Variants in ARHGAP44 observed in about 807,000 individuals in gnomAD.
The protein encoded by ARHGAP44 is Rho GTPase activating protein 44.
ARHGAP44 carries 43 observed loss-of-function variants against 106.8 expected under a neutral mutation model. That is an observed-to-expected ratio of 0.40 (90% CI 0.32 to 0.52). ARHGAP44 has a LOEUF of 0.52. ARHGAP44 is among the 20% of genes least tolerant of loss of function. The pLI is 0.48. For missense variants in ARHGAP44, 866 were observed against 1,050.5 expected, an observed-to-expected ratio of 0.82 and a Z score of 2.43; for synonymous variants, 439 against 410.3, an observed-to-expected ratio of 1.07 and a Z score of -0.85.
At chr17:12,965,580 A>C (rs2039371359) in intron 16 of ARHGAP44, among the ~76,000 whole-genome samples, 1 of 152,190 alleles carries the variant, frequency 6.6e-6, no homozygotes, top group Admixed American at 6.5e-5. Context: ...TGGTTATATT[A>C]TGAATGGGGA....
In ARHGAP44 at chr17:12,789,640, C is replaced by CAGGAGGCGGCGCGGCGGGAGG; in HGVS notation, c.-196_-176dup. 1 of 353,516 alleles carries CAGGAGGCGGCGCGGCGGGAGG rather than the reference C, an allele frequency of 2.8e-6. No homozygotes were observed. The highest frequency in any genetic ancestry group is 4.5e-5 in the East Asian group (1 of 22,250). The allele number at this position is 353,516 out of a possible 1,614,324, so 21.9% of individuals were successfully genotyped here. ...CGCGGCGCGCGTGAGGGGGATGCGG[C>CAGGAGGCGGCGCGGCGGGAGG]AGGAGGCGGCGCGGCGGGAGGAGTA... On this transcript the variant is annotated 5_prime_UTR_variant, in exon 1 of 21. Transcript: ENST00000379672.
At chr17:12,828,751 C>T (rs931923284) in intron 1 of ARHGAP44, among the ~76,000 whole-genome samples, 1 of 150,180 alleles carries the variant, frequency 6.7e-6, no homozygotes, top group African/African-American at 2.5e-5. Context: ...ATGCCATTCT[C>T]CTGCCTCAGC....
At chr17:12,921,147 A>G (rs570752017) in intron 6 of ARHGAP44, among the ~76,000 whole-genome samples, 1 of 150,018 alleles carries the variant, frequency 6.7e-6, no homozygotes, top group South Asian at 2.1e-4. Flanking sequence ...GCTCACTGCA[A>G]CCTCCGCCTC....
At chr17:12,904,701 T>A (rs757814558) in intron 3 of ARHGAP44, among the ~76,000 whole-genome samples, 2 of 152,198 alleles carry the variant, frequency 1.3e-5, no homozygotes, top group Non-Finnish European at 2.9e-5. Flanking sequence ...GTGTGTATAT[T>A]TAGTATGCTA....
Position 12,915,843 on chromosome 17 carries a change from G to A in ARHGAP44, c.276-57G>A, listed in dbSNP as rs576578173. 52 of 1,457,916 alleles carry A rather than the reference G, an allele frequency of 3.6e-5. 1 individual carries two copies. In the Admixed American group the frequency reaches 7.5e-4, roughly 21 times the overall value. The allele number at this position is 1,457,916 out of a possible 1,614,324, so 90.3% of individuals were successfully genotyped here. ...AGCCAGGAGGTGAGGGGAGGGTAAC[G>A]CCAGTGAAATGTTGTCTTCAAGAGT... is the stretch of plus-strand genomic sequence containing the variant. On this transcript the variant is annotated intron_variant, in intron 4 of 20. Transcript: ENST00000379672.
In ARHGAP44 at chr17:12,789,700, G is replaced by T; in HGVS notation, c.-139G>T. 2 of 657,470 alleles carry T rather than the reference G, an allele frequency of 3.0e-6. No homozygotes were observed. The highest frequency in any genetic ancestry group is 1.9e-5 in the African/African-American group (1 of 52,282). The allele number at this position is 657,470 out of a possible 1,614,324, so 40.7% of individuals were successfully genotyped here. A position where few individuals can be genotyped will look rare whatever the true frequency, so the allele number is the denominator to read the frequency against. Reference sequence around the variant, plus strand: ...GCCCTCGGGAGGGAGCTGCGCGCGGGCCAGACGGCGCCCGGAGGCTCCGCA... The same window carrying T: ...GCCCTCGGGAGGGAGCTGCGCGCGGTCCAGACGGCGCCCGGAGGCTCCGCA... On this transcript the variant is annotated 5_prime_UTR_variant, in exon 1 of 21. Coordinates refer to ENST00000379672, the MANE Select transcript of ARHGAP44 (RefSeq NM_014859.6).
chr17:12,832,980 C>G (rs1298180313), intron 1 of ARHGAP44, among the ~76,000 whole-genome samples: 2 of 152,224 alleles, frequency 1.3e-5, no homozygotes, highest in African/African-American at 4.8e-5. Flanking sequence ...CCGACGATAG[C>G]TATTCTCTGT....
At chr17:12,923,220 G>A (rs73290455) in intron 6 of ARHGAP44, among the ~76,000 whole-genome samples, 2,893 of 151,958 alleles carry the variant, frequency 0.019, 90 homozygotes, top group African/African-American at 0.066. Context: ...TTGTTTTTTC[G>A]TTTTTTTGAG....
At chr17:12,977,249 T>TC (rs1321660847) in intron 18 of ARHGAP44, among the ~76,000 whole-genome samples, 2 of 152,196 alleles carry the variant, frequency 1.3e-5, no homozygotes, top group Non-Finnish European at 2.9e-5. Context: ...TTTTGTTCTC[T>TC]CCCCGCATGG....
Position 12,949,295 on chromosome 17 carries a change from G to A in ARHGAP44, c.973+44G>A, listed in dbSNP as rs895625339. On this transcript the variant is annotated intron_variant, in intron 11 of 20. Coordinates refer to ENST00000379672, the MANE Select transcript of ARHGAP44 (RefSeq NM_014859.6). This position sits in a 1 kb window ranked among gnomAD's most constrained non-coding sequence, Gnocchi z 4.1. ...TCCTGTGTGCCATGGAGGCTCACAG[G>A]GAAGGGGTAGAGGGGAGGCTGTGTG... 6.5e-7 allele frequency: 1 copy of A among 1,533,450 alleles called. No individual in the cohort carries two copies. The highest frequency in any genetic ancestry group is 8.8e-7 in the Non-Finnish European group (1 of 1,134,538). 95.0% of individuals were successfully genotyped at this position (1,533,450 alleles called of 1,614,324 possible).
intron 5 of ARHGAP44, among the ~76,000 whole-genome samples, chr17:12,918,398 G>A (rs1484782587): frequency 6.6e-6 from 1 of 152,142 alleles, no homozygotes; most frequent in Non-Finnish European, 1.5e-5. Flanking sequence ...GATGATTTTA[G>A]TTCAATTTTC....
At chr17:12,964,500 G>A (rs754650823) in intron 16 of ARHGAP44, among the ~76,000 whole-genome samples, 5 of 152,206 alleles carry the variant, frequency 3.3e-5, no homozygotes, top group African/African-American at 1.2e-4. Flanking sequence ...GAAGCGACAG[G>A]CTGGGCGCAG....
intron 7 of ARHGAP44, among the ~76,000 whole-genome samples, chr17:12,932,878 T>G (rs1212520591): frequency 6.6e-6 from 1 of 152,204 alleles, no homozygotes; most frequent in Admixed American, 6.5e-5. Flanking sequence ...CAGTTTCTAT[T>G]CTAATGATTT....
At chr17:12,965,826 G>A (rs2039377163) in intron 16 of ARHGAP44, among the ~76,000 whole-genome samples, 1 of 152,104 alleles carries the variant, frequency 6.6e-6, no homozygotes, top group African/African-American at 2.4e-5. Flanking sequence ...GATGTCCTCT[G>A]TAGATCCTGT....
chr17:12,845,957 C>T (rs1295902718), intron 1 of ARHGAP44, among the ~76,000 whole-genome samples: 2 of 152,128 alleles, frequency 1.3e-5, no homozygotes, highest in African/African-American at 4.8e-5. Context: ...AGGAAGTACA[C>T]ATAAGACAGG....
intron 16 of ARHGAP44, among the ~76,000 whole-genome samples, chr17:12,967,239 A>G (rs1267579244): frequency 8.1e-6 from 1 of 123,818 alleles, no homozygotes; most frequent in East Asian, 2.3e-4. Flanking sequence ...CTGATCCACA[A>G]CTCTTTTTGC....
chr17:12,834,710 T>C (rs1299363079), intron 1 of ARHGAP44, among the ~76,000 whole-genome samples: 10 of 152,248 alleles, frequency 6.6e-5, no homozygotes, highest in Admixed American at 5.9e-4. Context: ...AAGTTTATTT[T>C]CTAGTAATAG....
At chr17:12,872,501 A>G (rs1363640107) in intron 1 of ARHGAP44, among the ~76,000 whole-genome samples, 2 of 152,170 alleles carry the variant, frequency 1.3e-5, no homozygotes, top group African/African-American at 2.4e-5. Context: ...TTTTGCTTCT[A>G]TATTTGACTG....
intron 1 of ARHGAP44, among the ~76,000 whole-genome samples, chr17:12,856,291 A>G (rs185443253): frequency 1.5e-4 from 23 of 152,144 alleles, no homozygotes; most frequent in South Asian, 1.0e-3. Context: ...ACCTTGTTCA[A>G]TCAACTCTGG....
Sources: gnomAD v4.1 joint callset for allele counts (sites outside exome capture counted in the v4.1 genomes callset) on GRCh38, gnomAD v4.1.1 for gene constraint, Gnocchi (gnomAD v3.1) non-coding constraint, MANE v1.5 for transcripts, NCBI Gene and HGNC (gene_info 2026-07-23, HGNC 2026-07-21) for gene names.